Variants in SMC1A observed in about 807,000 individuals in gnomAD.
SMC1A encodes structural maintenance of chromosomes protein 1A.
A neutral mutation model predicts 94.5 loss-of-function variants in SMC1A; 4 were observed. The observed-to-expected ratio is 0.04, with a 90% CI of 0.02 to 0.10. SMC1A has a LOEUF of 0.10. Ranked by LOEUF, SMC1A falls within the 10% of genes least tolerant of loss-of-function variation. SMC1A has a pLI of 1.00. For missense variants in SMC1A, 304 were observed against 989.0 expected (o/e 0.31, Z 9.29); for synonymous variants, 345 against 347.7 (o/e 0.99, Z 0.09).
At chrX:53,385,256 G>GTT (rs59355116) in intron 19 of SMC1A, among the ~76,000 whole-genome samples, 4 of 88,422 alleles carry the variant, frequency 4.5e-5, no homozygotes, top group African/African-American at 1.2e-4. Context: ...TCCAGAATAG[G>GTT]TTTTTTTTTT....
intron 9 of SMC1A, 52 bp downstream of exon 9, chrX:53,409,010 G>T: frequency 9.0e-7 from 1 of 1,109,836 alleles, no homozygotes. Flanking sequence ...TGGGAAAATC[G>T]TGTGACAGTG....
In SMC1A at chrX:53,376,622, A is replaced by G. The variant is rs2075560742; in HGVS notation, c.*3481T>C. 1 of 111,206 alleles carries G rather than the reference A, an allele frequency of 9.0e-6. No individual in the cohort carries two copies. The highest frequency in any genetic ancestry group is 3.3e-5 in the African/African-American group (1 of 30,533). 9.2% of individuals were successfully genotyped at this position (111,206 alleles called of 1,213,427 possible). A position where few individuals can be genotyped will look rare whatever the true frequency, so the allele number is the denominator to read the frequency against. ...TTCTTGCCTTCATGTCTTCATGCAT[A>G]CTGTTTCCAATATCTGGAAATTCCT... On this transcript the variant is annotated 3_prime_UTR_variant, in exon 25 of 25. Transcript: ENST00000322213.
At chrX:53,392,401 A>C (rs1045403066) in intron 19 of SMC1A, among the ~76,000 whole-genome samples, 6 of 109,865 alleles carry the variant, frequency 5.5e-5, no homozygotes, top group African/African-American at 9.9e-5. Flanking sequence ...AAAAAAAAAA[A>C]CAAAAAACAA....
intron 19 of SMC1A, among the ~76,000 whole-genome samples, chrX:53,387,939 G>A (rs1175785746): frequency 1.8e-5 from 2 of 109,347 alleles, no homozygotes; most frequent in East Asian, 5.7e-4. Flanking sequence ...ATAAAGGGGG[G>A]AAAAAATCAA....
rs142611198 is a variant in SMC1A, at chrX:53,381,075, G to T, written c.3450C>A (p.Ala1150=). 1.7e-5 allele frequency: 20 copies of T among 1,207,851 alleles called. No individual in the cohort carries two copies. Among genetic ancestry groups the T allele is most frequent in the Non-Finnish European group, 2.1e-5 (19 of 892,156 alleles). Residue 1150 remains alanine, a synonymous_variant, in exon 23 of 25, where the codon GCC becomes GCA. Transcript: ENST00000322213. ...LLFAIHSYKP[A]PFFVLDEIDA... ...CAATCTCATCCAGGACGAAGAAGGG[G>T]GCTGGCTTGTAGCTGGGAGGGAACC... is the stretch of plus-strand genomic sequence containing the variant.
At chrX:53,417,551 CAAAA>C (rs1318273895) in intron 1 of SMC1A, among the ~76,000 whole-genome samples, 2 of 24,391 alleles carry the variant, frequency 8.2e-5, no homozygotes, top group Non-Finnish European at 1.6e-4. Flanking sequence ...AACTCCATCT[CAAAA>C]AAAAAAAAAA....
chrX:53,405,891 A>T lies in SMC1A; in HGVS notation c.1611T>A (p.Val537=), dbSNP rs1556889638. 1 of 1,209,454 alleles carries T rather than the reference A, an allele frequency of 8.3e-7. No homozygotes were observed. Among genetic ancestry groups the T allele is most frequent in the Non-Finnish European group, 1.1e-6 (1 of 895,021 alleles). Residue 537 remains valine (V), a synonymous_variant, in exon 10 of 25, where the codon GTT becomes GTA. Coordinates refer to ENST00000322213, the MANE Select transcript of SMC1A (RefSeq NM_006306.4). Reference sequence around the variant, plus strand: ...TAATGGCATCCATGTTCTTGCCCAAAACCTTGGTTACAGCAATCTGATACT... The same window carrying T: ...TAATGGCATCCATGTTCTTGCCCAATACCTTGGTTACAGCAATCTGATACT... The part of the protein sequence containing the change: ...QKKYQIAVTK[V]LGKNMDAIIV...
intron 19 of SMC1A, 48 bp downstream of exon 19, chrX:53,394,730 C>CAG: frequency 9.8e-6 from 5 of 511,569 alleles, no homozygotes; most frequent in Non-Finnish European, 1.7e-5. Context: ...GATAGTCCCA[C>CAG]TCCCACCCAA....
At chrX:53,413,459 C>T (rs2075721029) in intron 3 of SMC1A, 24 bp from the exon 4 acceptor site, 1 of 1,172,737 alleles carries the variant, frequency 8.5e-7, no homozygotes. Context: ...AAACACTCTT[C>T]CACTTCAGAC....
At position 53,380,890 on chromosome X, in the gene SMC1A, CTG is replaced by C. The variant is rs782096948; in HGVS notation, c.3507+126_3507+127del. 4.5e-6 allele frequency: 3 copies of C among 671,055 alleles called. No individual in the cohort carries two copies. The Admixed American group carries it at 7.1e-5, about 16-fold the overall frequency. 55.3% of individuals were successfully genotyped at this position (671,055 alleles called of 1,213,427 possible). Reference sequence around the variant, plus strand: ...ACTGACTACCACAGCATGGATGACTCTGGGCCCAGCCTCCCAGGCACAGAGAG... The same window carrying C: ...ACTGACTACCACAGCATGGATGACTCGGCCCAGCCTCCCAGGCACAGAGAG... On this transcript the variant is annotated intron_variant, in intron 23 of 24. Coordinates refer to ENST00000322213, the MANE Select transcript of SMC1A (RefSeq NM_006306.4).
chrX:53,394,584 T>C (rs1011044118), intron 19 of SMC1A, among the ~76,000 whole-genome samples, 194 bp downstream of exon 19: 5 of 110,777 alleles, frequency 4.5e-5, no homozygotes, highest in Admixed American at 1.9e-4. Flanking sequence ...AATGTGCATA[T>C]GTCTGTTTGA....
At chrX:53,402,897 A>C (rs2146597524) in intron 15 of SMC1A, among the ~76,000 whole-genome samples, 1 of 85,266 alleles carries the variant, frequency 1.2e-5, no homozygotes, top group South Asian at 6.9e-4. Context: ...GGCCGGCAAT[A>C]TGGCTCACAC....
chrX:53,399,876 A>C lies in SMC1A; in HGVS notation c.2421-146T>G, dbSNP rs1556888634. 4 of 551,266 alleles carry C rather than the reference A, an allele frequency of 7.3e-6. No homozygotes were observed. In the Admixed American group the frequency reaches 9.7e-5, roughly 13 times the overall value. 45.4% of individuals were successfully genotyped at this position (551,266 alleles called of 1,213,427 possible). On this transcript the variant is annotated intron_variant, in intron 15 of 24. Transcript: ENST00000322213. ...CTGATTTTCAGTCACAACTTGCTTC[A>C]TCCATCCATATGCACATAAAACGGT... is the stretch of plus-strand genomic sequence containing the variant.
chrX:53,389,842 CTTTTTTTTTTTT>C (rs1193457348), intron 19 of SMC1A, among the ~76,000 whole-genome samples: 16 of 55,101 alleles, frequency 2.9e-4, no homozygotes, highest in East Asian at 6.0e-4. Context: ...TCCAGAATTT[CTTTTTTTTTTTT>C]TTTTTTTTTT....
At chrX:53,385,221 C>G (rs970742871) in intron 19 of SMC1A, among the ~76,000 whole-genome samples, 1 of 104,283 alleles carries the variant, frequency 9.6e-6, no homozygotes, top group East Asian at 3.0e-4. Context: ...TTATGAAGAT[C>G]TCTATACACT....
intron 19 of SMC1A, among the ~76,000 whole-genome samples, chrX:53,391,633 C>T (rs180983578): frequency 4.2e-4 from 47 of 110,716 alleles, no homozygotes; most frequent in Non-Finnish European, 8.1e-4. Context: ...ATCAAGCGAT[C>T]TTCCTGCCTC....
intron 1 of SMC1A, chrX:53,422,141 C>T: frequency 2.1e-6 from 2 of 956,193 alleles, no homozygotes; most frequent in Middle Eastern, 4.1e-4. Context: ...AAGCCGGCTC[C>T]GGCCGGTCCG....
rs2075688382 is a variant in SMC1A, at chrX:53,405,598, T to C, written c.1806A>G (p.Pro602=). Residue 602 remains proline, a synonymous_variant, in exon 11 of 25, where the codon CCA becomes CCG. Transcript: ENST00000322213. ...KLVIDVIRYE[P]PHIKKALQYA... ...ACTGCAGGGCCTTTTTGATATGAGG[T>C]GGCTCATAGCGAATCACATCAATCA... 1 of 1,210,930 alleles carries C rather than the reference T, an allele frequency of 8.3e-7. No individual in the cohort carries two copies. The highest frequency in any genetic ancestry group is 1.1e-6 in the Non-Finnish European group (1 of 894,721).
In SMC1A at chrX:53,403,876, C is replaced by G; in HGVS notation, c.2214G>C (p.Glu738Asp). Residue 738 changes from glutamate to aspartate, a missense_variant, in exon 14 of 25, where the codon GAG becomes GAC. Physicochemically the swap from Glu to Asp is conservative, Grantham distance 45. Around this residue, in one of 11 missense-constraint regions of SMC1A, gnomAD observed 57 missense variants for 278.1 expected, o/e 0.20. Transcript: ENST00000322213. ...ALNLQEKSKL[E>D]SELANFGPRI... ...GAGGCCCAAAGTTGGCTAGCTCACT[C>G]TCCAGCTTGGATTTTTCCTACAGGC... The G allele has an allele frequency of 8.3e-7, 1 of 1,207,657 alleles. No homozygotes were observed. The highest frequency in any genetic ancestry group is 1.1e-6 in the Non-Finnish European group (1 of 891,685).
Sources: allele counts gnomAD v4.1 joint callset (sites outside exome capture counted in the v4.1 genomes callset), GRCh38; gene constraint gnomAD v4.1.1; regional missense constraint gnomAD v4.1.1; transcripts MANE v1.5; gene names NCBI Gene and HGNC (gene_info 2026-07-23, HGNC 2026-07-21).